Variants in ATP9A observed in about 807,000 individuals in gnomAD.
ATP9A encodes probable phospholipid-transporting ATPase IIA.
ATP9A carries 52 observed loss-of-function variants against 144.1 expected under a neutral mutation model. The ratio of observed to expected loss-of-function variants is 0.36; its 90% CI spans 0.29 to 0.45. ATP9A has a LOEUF of 0.45. Ranked by LOEUF, ATP9A falls within the 20% of genes least tolerant of loss-of-function variation. ATP9A has a pLI of 1.00. For missense variants in ATP9A, 947 were observed against 1,392.7 expected, an observed-to-expected ratio of 0.68 and a Z score of 5.09; for synonymous variants, 582 against 557.4, an observed-to-expected ratio of 1.04 and a Z score of -0.62.
chr20:51,740,679 T>C (rs2426402), intron 1 of ATP9A, among the ~76,000 whole-genome samples: 17,060 of 148,870 alleles, frequency 0.11, 1,051 homozygotes, highest in South Asian at 0.19. Flanking sequence ...AGTGATCCTC[T>C]TGCCTCAGCC....
chr20:51,677,516 A>T (rs992306259), intron 9 of ATP9A, among the ~76,000 whole-genome samples: 1 of 152,136 alleles, frequency 6.6e-6, no homozygotes, highest in African/African-American at 2.4e-5. Context: ...ATGGAAGGTG[A>T]CTGGGGAAAG....
At chr20:51,766,181 T>C (rs562673209) in intron 1 of ATP9A, among the ~76,000 whole-genome samples, 1 of 152,310 alleles carries the variant, frequency 6.6e-6, no homozygotes, top group African/African-American at 2.4e-5. Context: ...TCTGACTGCA[T>C]GTTAAAATCA....
intron 1 of ATP9A, among the ~76,000 whole-genome samples, chr20:51,761,487 C>T (rs981528496): frequency 2.6e-5 from 4 of 152,074 alleles, no homozygotes; most frequent in African/African-American, 7.2e-5. Context: ...TTTGGCCGGG[C>T]GCCGTGGCTC....
chr20:51,625,035 G>A (rs1166774833), intron 18 of ATP9A, among the ~76,000 whole-genome samples, 157 bp downstream of exon 18: 2 of 150,150 alleles, frequency 1.3e-5, no homozygotes, highest in Admixed American at 6.6e-5. Flanking sequence ...AATCACAGTT[G>A]GAGGGGCAGA....
intron 25 of ATP9A, among the ~76,000 whole-genome samples, chr20:51,607,868 A>G (rs1030281951): frequency 3.3e-5 from 5 of 151,426 alleles, no homozygotes; most frequent in African/African-American, 1.2e-4. Flanking sequence ...ACATGGTGAA[A>G]CCTCCTCTTT....
In ATP9A at chr20:51,694,049, G is replaced by A. The variant is rs750918611; in HGVS notation, c.601C>T (p.Arg201Trp). Reference sequence around the variant, plus strand: ...CTCTGCGTGCAGGCCACGGGAAGCCGCAGCTTCCAGTCCGTCTCCCCATCC... The same window carrying A: ...CTCTGCGTGCAGGCCACGGGAAGCCACAGCTTCCAGTCCGTCTCCCCATCC... ...QLDGETDWKLRLPVACTQRLP... is the reference protein window; with the variant it reads ...QLDGETDWKLWLPVACTQRLP... The change falls in exon 7 of 28, where the codon CGG becomes TGG. Residue 201 changes from arginine to tryptophan, a missense_variant. Around this residue, in one of 2 missense-constraint regions of ATP9A, gnomAD observed 770 missense variants for 1,047.9 expected, o/e 0.73. Transcript: ENST00000338821. 6.2e-7 allele frequency: 1 copy of A among 1,614,018 alleles called. No individual in the cohort carries two copies. The highest frequency in any genetic ancestry group is 8.5e-7 in the Non-Finnish European group (1 of 1,179,958).
chr20:51,741,413 A>G (rs2077784789), intron 1 of ATP9A, among the ~76,000 whole-genome samples: 1 of 152,128 alleles, frequency 6.6e-6, no homozygotes, highest in African/African-American at 2.4e-5. Flanking sequence ...CCCCATCTCT[A>G]CTAAAAATAC....
chr20:51,688,516 C>T (rs1205392029), intron 9 of ATP9A, among the ~76,000 whole-genome samples: 1 of 151,872 alleles, frequency 6.6e-6, no homozygotes, highest in Non-Finnish European at 1.5e-5. Flanking sequence ...CGCTTGAACC[C>T]GGGGGGCGGA....
At chr20:51,705,280 A>G (rs2077610428) in intron 4 of ATP9A, among the ~76,000 whole-genome samples, 1 of 152,232 alleles carries the variant, frequency 6.6e-6, no homozygotes, top group Admixed American at 6.5e-5. Context: ...GCAATCCTAG[A>G]TAATGGTACA....
chr20:51,686,260 AT>A (rs1179951551), intron 9 of ATP9A, among the ~76,000 whole-genome samples: 1 of 152,140 alleles, frequency 6.6e-6, no homozygotes, highest in East Asian at 1.9e-4. Flanking sequence ...GATATACCTA[AT>A]GTACATGACG....
chr20:51,762,550 G>A (rs183974946), intron 1 of ATP9A, among the ~76,000 whole-genome samples: 1,695 of 151,394 alleles, frequency 0.011, 10 homozygotes, highest in South Asian at 0.024. Context: ...TCCCAGCTAC[G>A]CAGGAGGCCG....
intron 4 of ATP9A, among the ~76,000 whole-genome samples, chr20:51,704,123 A>C (rs2077605342): frequency 6.6e-6 from 1 of 151,660 alleles, no homozygotes. Flanking sequence ...AAGAGTTGAA[A>C]GGATTATTAT....
At chr20:51,620,539 G>A (rs1332665748) in intron 19 of ATP9A, among the ~76,000 whole-genome samples, 9 of 152,080 alleles carry the variant, frequency 5.9e-5, no homozygotes, top group Non-Finnish European at 2.9e-5. Context: ...ACAGCCACCA[G>A]TTCTGTAACT....
At chr20:51,765,846 A>T (rs999181174) in intron 1 of ATP9A, among the ~76,000 whole-genome samples, 1 of 152,024 alleles carries the variant, frequency 6.6e-6, no homozygotes, top group Non-Finnish European at 1.5e-5. Flanking sequence ...AATCCCAGCT[A>T]CTTGGGAAGC....
intron 3 of ATP9A, among the ~76,000 whole-genome samples, chr20:51,724,662 C>T (rs1211809979): frequency 1.3e-5 from 2 of 152,198 alleles, no homozygotes; most frequent in Non-Finnish European, 2.9e-5. Context: ...AAATATTTGT[C>T]TACTCTGTTC....
At chr20:51,758,434 T>C (rs1187727230) in intron 1 of ATP9A, among the ~76,000 whole-genome samples, 1 of 152,140 alleles carries the variant, frequency 6.6e-6, no homozygotes, top group African/African-American at 2.4e-5. Context: ...AACATTTCCA[T>C]CTGGGTAAAG....
intron 24 of ATP9A, 152 bp from the exon 25 acceptor site, chr20:51,608,778 C>T: frequency 3.2e-6 from 2 of 617,666 alleles, no homozygotes; most frequent in East Asian, 2.7e-5. Context: ...GCACCAGAAA[C>T]CCATGAGCAA....
At chr20:51,691,665 G>A (rs763961402) in intron 7 of ATP9A, among the ~76,000 whole-genome samples, 1 of 152,248 alleles carries the variant, frequency 6.6e-6, no homozygotes, top group Non-Finnish European at 1.5e-5. Flanking sequence ...GCAAGATGGT[G>A]CAGCAGCTAT....
chr20:51,657,220 C>T (rs2077390882), intron 13 of ATP9A, 70 bp from the exon 14 acceptor site: 42 of 1,301,134 alleles, frequency 3.2e-5, no homozygotes, highest in South Asian at 2.8e-4. Flanking sequence ...GAAGAACAGC[C>T]GTGCAGCTAT....
Sources: allele counts gnomAD v4.1 joint callset (sites outside exome capture counted in the v4.1 genomes callset), GRCh38; gene constraint gnomAD v4.1.1; regional missense constraint gnomAD v4.1.1; transcripts MANE v1.5; gene names NCBI Gene and HGNC (gene_info 2026-07-23, HGNC 2026-07-21).